NUDT7: variants seen among roughly 807,000 people sequenced by gnomAD.
NUDT7 encodes peroxisomal coenzyme A diphosphatase NUDT7.
In NUDT7, 19 loss-of-function variants were observed where a neutral mutation model predicts 13.1. The observed-to-expected ratio is 1.45, with a 90% confidence interval of 1.01 to 2.13. The LOEUF is 2.13. Ranked by LOEUF, NUDT7 falls within the 30% of genes most tolerant of loss-of-function variation. The pLI, the probability that NUDT7 is intolerant of heterozygous loss-of-function variation, is 0.00. For missense variants in NUDT7, 360 were observed against 291.7 expected (o/e 1.23, Z -1.71); for synonymous variants, 132 against 109.7 (o/e 1.20, Z -1.27).
Position 77,742,168 on chromosome 16 carries a change from A to G in NUDT7, c.*218A>G. 12 of 1,158,868 alleles carry G rather than the reference A, an allele frequency of 1.0e-5. No homozygotes were observed. Among genetic ancestry groups the G allele is most frequent in the Non-Finnish European group, 1.3e-5 (12 of 912,764 alleles). 71.8% of individuals were successfully genotyped at this position (1,158,868 alleles called of 1,614,324 possible). A position where few individuals can be genotyped will look rare whatever the true frequency, so the allele number is the denominator to read the frequency against. ...TATGTTCATAGTGTTGCATATTTTC[A>G]CCCACAATATGTTAATAATATTTTT... On this transcript the variant is annotated 3_prime_UTR_variant, in exon 4 of 4. Coordinates refer to ENST00000268533, the MANE Select transcript of NUDT7 (RefSeq NM_001105663.3).
At chr16:77,739,914 TACCCTCCAGAAC>T (rs1234500493) in intron 3 of NUDT7, among the ~76,000 whole-genome samples, 1 of 152,150 alleles carries the variant, frequency 6.6e-6, no homozygotes, top group East Asian at 1.9e-4. Flanking sequence ...CATATTAATT[TACCCTCCAGAAC>T]ACCCCATGGT....
chr16:77,722,742 C>T, intron 1 of NUDT7, 125 bp downstream of exon 1: 5 of 880,110 alleles, frequency 5.7e-6, no homozygotes, highest in African/African-American at 1.7e-5. Context: ...CTGCGAGCGC[C>T]GGATGGGGGA....
chr16:77,738,930 G>A (rs1002093946), intron 3 of NUDT7, among the ~76,000 whole-genome samples: 2 of 152,206 alleles, frequency 1.3e-5, no homozygotes, highest in South Asian at 2.1e-4. Context: ...GTTTCTTCAC[G>A]TCTCTAATTG....
intron 3 of NUDT7, chr16:77,736,688 G>C (rs777185905): frequency 6.9e-6 from 2 of 288,250 alleles, no homozygotes; most frequent in East Asian, 2.2e-4. Context: ...CTGGTCTCGA[G>C]CTCCTGGCCT....
intron 3 of NUDT7, among the ~76,000 whole-genome samples, chr16:77,738,537 G>A (rs1344518401): frequency 6.6e-6 from 1 of 152,110 alleles, no homozygotes; most frequent in East Asian, 1.9e-4. Context: ...CTCTTAACCT[G>A]GAGTGATTTT....
chr16:77,723,105 G>A (rs955064668), intron 1 of NUDT7, among the ~76,000 whole-genome samples: 8 of 151,742 alleles, frequency 5.3e-5, no homozygotes, highest in African/African-American at 1.5e-4. Context: ...GAACGGGGTG[G>A]CTGCTACTGC....
intron 2 of NUDT7, among the ~76,000 whole-genome samples, chr16:77,731,461 T>C (rs2014316703): frequency 6.6e-6 from 1 of 152,146 alleles, no homozygotes; most frequent in South Asian, 2.1e-4. Context: ...ACTCACATGT[T>C]TGTGGTGATG....
At chr16:77,725,609 C>T (rs377116601) in intron 2 of NUDT7, 25 bp downstream of exon 2, 3 of 1,609,110 alleles carry the variant, frequency 1.9e-6, no homozygotes, top group Non-Finnish European at 2.5e-6. Context: ...AATTTCCTGC[C>T]CTTAAACCTC....
Position 77,722,537 on chromosome 16 carries a change from G to C in NUDT7, c.-46G>C, listed in dbSNP as rs771650294. On this transcript the variant is annotated 5_prime_UTR_variant, in exon 1 of 4. Coordinates refer to ENST00000268533, the MANE Select transcript of NUDT7 (RefSeq NM_001105663.3). ...CTGCTCTGCGCAAGCGCGACCGACC[G>C]AGCAGCTCCGAGGAGTCCGCCCGGA... The C allele has an allele frequency of 2.6e-6, 4 of 1,550,762 alleles. No homozygotes were observed. The highest frequency in any genetic ancestry group is 2.4e-5 in the South Asian group (2 of 84,696).
chr16:77,732,692 T>C (rs531654024), intron 2 of NUDT7, among the ~76,000 whole-genome samples: 1 of 152,318 alleles, frequency 6.6e-6, no homozygotes, highest in African/African-American at 2.4e-5. Context: ...TAGTAGTCTA[T>C]ATTATCCAGG....
At chr16:77,732,070 T>C (rs575960739) in intron 2 of NUDT7, among the ~76,000 whole-genome samples, 1 of 152,274 alleles carries the variant, frequency 6.6e-6, no homozygotes, top group East Asian at 1.9e-4. Context: ...CTTATACCTG[T>C]AATCCCAGCA....
chr16:77,728,263 C>T (rs1288016410), intron 2 of NUDT7, among the ~76,000 whole-genome samples: 6 of 152,084 alleles, frequency 3.9e-5, no homozygotes, highest in South Asian at 2.1e-4. Context: ...GAAGGATTCT[C>T]GCTCTGTCGC....
At chr16:77,725,605 C>G in intron 2 of NUDT7, 21 bp downstream of exon 2, 4 of 1,612,150 alleles carry the variant, frequency 2.5e-6, no homozygotes, top group Non-Finnish European at 2.5e-6. Context: ...AAAAAATTTC[C>G]TGCCCTTAAA....
chr16:77,738,374 C>T (rs1025498617), intron 3 of NUDT7, among the ~76,000 whole-genome samples: 1 of 152,084 alleles, frequency 6.6e-6, no homozygotes, highest in Non-Finnish European at 1.5e-5. Context: ...TCTAAAATGG[C>T]GTGATTGAGA....
chr16:77,723,275 G>A (rs1425969361), intron 1 of NUDT7, among the ~76,000 whole-genome samples: 2 of 152,136 alleles, frequency 1.3e-5, no homozygotes, highest in South Asian at 2.1e-4. Flanking sequence ...GCTGGCCTGC[G>A]TGCATCCAGA....
At chr16:77,728,855 G>C (rs1438936665) in intron 2 of NUDT7, among the ~76,000 whole-genome samples, 2 of 152,114 alleles carry the variant, frequency 1.3e-5, no homozygotes, top group Non-Finnish European at 2.9e-5. Flanking sequence ...CCACTTTATA[G>C]TTTTCAGGAA....
At chr16:77,725,012 AT>A (rs2014085213) in intron 1 of NUDT7, among the ~76,000 whole-genome samples, 2 of 152,178 alleles carry the variant, frequency 1.3e-5, no homozygotes, top group Admixed American at 1.3e-4. Flanking sequence ...GGGAACCACT[AT>A]TATAAGCAGT....
chr16:77,734,653 C>T (rs1171193277), intron 2 of NUDT7, among the ~76,000 whole-genome samples: 1 of 151,974 alleles, frequency 6.6e-6, no homozygotes. Flanking sequence ...GCTTACCTGC[C>T]CATCAATGCA....
chr16:77,729,443 A>G (rs2014242705), intron 2 of NUDT7, among the ~76,000 whole-genome samples: 1 of 152,194 alleles, frequency 6.6e-6, no homozygotes, highest in Non-Finnish European at 1.5e-5. Context: ...ATATTACTAT[A>G]CATATTACCT....
Sources: allele counts gnomAD v4.1 joint callset (sites outside exome capture counted in the v4.1 genomes callset), GRCh38; gene constraint gnomAD v4.1.1; transcripts MANE v1.5; gene names NCBI Gene and HGNC (gene_info 2026-07-23, HGNC 2026-07-21).